SEM1: variants seen among roughly 807,000 people sequenced by gnomAD.
SEM1 encodes 26S proteasome complex subunit SEM1.
In SEM1, 3 loss-of-function variants were observed where a neutral mutation model predicts 12.7. The observed-to-expected ratio is 0.24, with a 90% CI of 0.11 to 0.61. SEM1 has a LOEUF of 0.61. SEM1 is among the 20% of genes least tolerant of loss of function. The pLI is 0.88. For missense variants in SEM1, 59 were observed against 81.3 expected, an observed-to-expected ratio of 0.73 and a Z score of 1.06; for synonymous variants, 30 against 27.8, an observed-to-expected ratio of 1.08 and a Z score of -0.25.
intron 2 of SEM1, among the ~76,000 whole-genome samples, chr7:96,644,517 C>A (rs1205136616): frequency 6.6e-6 from 1 of 152,132 alleles, no homozygotes; most frequent in East Asian, 1.9e-4. Context: ...CTCAGGATAA[C>A]TGTAAAATGT....
rs1362394395 is a variant in SEM1, at chr7:96,706,594, A to AAG, written c.76+3092_76+3093dup. Among the ~76,000 whole-genome samples the AAG allele has an allele frequency of 4.3e-3, 532 of 123,398 alleles. 9 individuals carry two copies. Among genetic ancestry groups the AAG allele is most frequent in the Middle Eastern group, 0.013 (3 of 236 alleles). The allele number at this position is 123,398 out of a possible 152,430, so 81.0% of individuals were successfully genotyped here. ...ACAAAAAAAAAAAAAAAAAAAAAAAAAGAGAGAGAGAAGAAACAATAAAAA... is the reference window on the plus strand; with the variant it reads ...ACAAAAAAAAAAAAAAAAAAAAAAAAAGAGAGAGAGAGAAGAAACAATAAAAA... On this transcript the variant is annotated intron_variant, in intron 1 of 2. Coordinates refer to ENST00000248566, the MANE Select transcript of SEM1 (RefSeq NM_006304.2).
chr7:96,674,394 CTG>C (rs1379784775), intron 2 of SEM1, among the ~76,000 whole-genome samples: 3 of 152,172 alleles, frequency 2.0e-5, no homozygotes, highest in African/African-American at 7.2e-5. Context: ...TGGCTCACAC[CTG>C]TAATCCCAGT....
intron 2 of SEM1, among the ~76,000 whole-genome samples, chr7:96,577,927 A>C (rs1047457673): frequency 6.6e-6 from 1 of 152,062 alleles, no homozygotes; most frequent in African/African-American, 2.4e-5. Flanking sequence ...TACTATATGC[A>C]GGATATAAAA....
At chr7:96,619,131 G>A (rs1242210102), downstream of SEM1, among the ~76,000 whole-genome samples, 1 of 152,104 alleles carries the variant, frequency 6.6e-6, no homozygotes, top group Admixed American at 6.5e-5. Context: ...CTAGACAATT[G>A]TTGTGGTCCT....
intron 2 of SEM1, among the ~76,000 whole-genome samples, chr7:96,624,981 G>GAC: frequency 6.6e-6 from 1 of 152,152 alleles, no homozygotes; most frequent in Non-Finnish European, 1.5e-5. Context: ...CTAGAAAGCT[G>GAC]TTTCAATGCT....
In SEM1 at chr7:96,592,371, A is replaced by G. The variant is rs115377060; in HGVS notation, c.171-85673T>C. On this transcript the variant is annotated intron_variant and NMD_transcript_variant, in intron 2 of 3. Coordinates refer to the SEM1 transcript ENST00000466986. The stretch of plus-strand genomic sequence containing the variant: ...CCAACTGAGACCAAGACTGAAGTGA[A>G]TAAGAATTAGGTGAGTCACTTGTAT... 1.4e-3 allele frequency among the ~76,000 whole-genome samples: 212 copies of G among 152,182 alleles called. 2 individuals carry two copies. The highest frequency in any genetic ancestry group is 5.0e-3 in the African/African-American group (207 of 41,534).
chr7:96,543,886 C>T (rs1805027376), intron 2 of SEM1, among the ~76,000 whole-genome samples: 1 of 152,004 alleles, frequency 6.6e-6, no homozygotes, highest in Non-Finnish European at 1.5e-5. Flanking sequence ...TAAGAAGCTA[C>T]CAGGGCCAGC....
At position 96,540,000 on chromosome 7, in the gene SEM1, T is replaced by C. The variant is rs185938749; in HGVS notation, c.171-33302A>G. On this transcript the variant is annotated intron_variant and NMD_transcript_variant, in intron 2 of 3. Transcript: ENST00000466986. ...ATATATAAATAGGTTATAAATATAA[T>C]AAGAATTATAAAAATAAGTTATAAA... Among the ~76,000 whole-genome samples the C allele has an allele frequency of 1.6e-3, 242 of 150,386 alleles. 1 individual carries two copies. The highest frequency in any genetic ancestry group is 2.4e-3 in the Non-Finnish European group (164 of 67,488).
At chr7:96,645,792 G>T (rs1429797067) in intron 2 of SEM1, 7 of 398,310 alleles carry the variant, frequency 1.8e-5, no homozygotes, top group Non-Finnish European at 2.2e-5. Flanking sequence ...CAGTTGAGGA[G>T]GAGTGACTAA....
At position 96,642,757 on chromosome 7, in the gene SEM1, A is replaced by G. The variant is rs1263761518; in HGVS notation, c.171-20114T>C. On this transcript the variant is annotated intron_variant, in intron 2 of 2. Coordinates refer to the SEM1 transcript ENST00000417009. ...GTTTTGTAGAAGCCATTTTTTTTTCATTTTTACTGGAAATTCTAAACAACT... is the reference window on the plus strand; with the variant it reads ...GTTTTGTAGAAGCCATTTTTTTTTCGTTTTTACTGGAAATTCTAAACAACT... Among the ~76,000 whole-genome samples the G allele has an allele frequency of 4.1e-5, 6 of 145,758 alleles. No individual in the cohort carries two copies. The East Asian group carries it at 8.1e-4, about 20-fold the overall frequency.
upstream of SEM1, among the ~76,000 whole-genome samples, chr7:96,498,498 A>C (rs983662546): frequency 6.6e-6 from 1 of 152,170 alleles, no homozygotes; most frequent in Non-Finnish European, 1.5e-5. Flanking sequence ...ACTTATTTCT[A>C]TTCTGCTGTT....
downstream of SEM1, chr7:96,621,752 G>T (rs549444719): frequency 6.6e-6 from 1 of 152,264 alleles, no homozygotes; most frequent in East Asian, 1.9e-4. Flanking sequence ...GCAGTTTAGG[G>T]ACCTCTAATT....
Position 96,632,148 on chromosome 7 carries a change from A to T in SEM1, c.171-9505T>A, listed in dbSNP as rs575405657. ...AACCATTGTGGAAGACAGTGTGGCAATTCCTCAAGGATCTAGAACCAGAAA... is the reference window on the plus strand; with the variant it reads ...AACCATTGTGGAAGACAGTGTGGCATTTCCTCAAGGATCTAGAACCAGAAA... On this transcript the variant is annotated intron_variant, in intron 2 of 2. Coordinates refer to the SEM1 transcript ENST00000417009. 1.5e-3 allele frequency among the ~76,000 whole-genome samples: 224 copies of T among 152,334 alleles called. 1 individual carries two copies. In the South Asian group the frequency reaches 0.025, roughly 17 times the overall value.
At chr7:96,561,701 T>A (rs543701936) in intron 2 of SEM1, among the ~76,000 whole-genome samples, 32 of 152,350 alleles carry the variant, frequency 2.1e-4, no homozygotes, top group Middle Eastern at 6.8e-3. Context: ...AAATAACTAC[T>A]CATTTCTATA....
intron 2 of SEM1, among the ~76,000 whole-genome samples, chr7:96,547,350 T>G (rs2115820129): frequency 6.6e-6 from 1 of 152,296 alleles, no homozygotes; most frequent in South Asian, 2.1e-4. Context: ...TTGATTATGC[T>G]TTGCTTTATC....
chr7:96,651,730 C>T (rs917471448), intron 2 of SEM1, among the ~76,000 whole-genome samples: 19 of 152,154 alleles, frequency 1.2e-4, no homozygotes, highest in African/African-American at 4.3e-4. Context: ...CACCACCACA[C>T]CCAGCTAATG....
intron 2 of SEM1, among the ~76,000 whole-genome samples, chr7:96,519,160 TGTG>T (rs775916203): frequency 5.3e-5 from 8 of 152,022 alleles, no homozygotes; most frequent in Non-Finnish European, 8.8e-5. Context: ...TGTAATTGGG[TGTG>T]AAGAAACTAG....
At chr7:96,584,507 G>T (rs189396624) in intron 2 of SEM1, among the ~76,000 whole-genome samples, 1,795 of 152,068 alleles carry the variant, frequency 0.012, 16 homozygotes, top group Non-Finnish European at 0.017. Context: ...GAATCTGAAC[G>T]TTGGCCTGCC....
intron 2 of SEM1, among the ~76,000 whole-genome samples, chr7:96,598,800 G>A (rs934191267): frequency 6.6e-6 from 1 of 152,170 alleles, no homozygotes; most frequent in East Asian, 1.9e-4. Flanking sequence ...GATCTTGACT[G>A]AAGTTGTTGT....
Sources: gnomAD v4.1 joint callset for allele counts (sites outside exome capture counted in the v4.1 genomes callset) on GRCh38, gnomAD v4.1.1 for gene constraint, MANE v1.5 for transcripts, NCBI Gene and HGNC (gene_info 2026-07-23, HGNC 2026-07-21) for gene names.